PREP: variants seen among roughly 807,000 people sequenced by gnomAD.
PREP encodes the protein dJ355L5.1 (prolyl endopeptidase).
A neutral mutation model predicts 87.6 loss-of-function variants in PREP; 29 were observed. That is an observed-to-expected ratio of 0.33 (90% confidence interval 0.25 to 0.45). PREP has a LOEUF of 0.45. Among genes scored for constraint, PREP ranks in the 20% least tolerant of loss-of-function variants. The pLI, the probability that PREP is intolerant of heterozygous loss-of-function variation, is 1.00. For synonymous variants in PREP, 337 were observed against 328.6 expected, an observed-to-expected ratio of 1.03 and a Z score of -0.28; for missense variants, 695 against 886.5, an observed-to-expected ratio of 0.78 and a Z score of 2.74.
rs1770455181 is a variant in PREP, at chr6:105,298,316, T to C, written c.1318-9422A>G. On this transcript the variant is annotated intron_variant, in intron 10 of 14. Coordinates refer to ENST00000652536, the MANE Select transcript of PREP (RefSeq NM_002726.5). ...GTGACAAAGGGCTGTCCTCTAAACATGGCTGAAAGTGCCTTCATGAGCAAC... is the reference window on the plus strand; with the variant it reads ...GTGACAAAGGGCTGTCCTCTAAACACGGCTGAAAGTGCCTTCATGAGCAAC... 2.0e-5 allele frequency: 3 copies of C among 152,406 alleles called. No homozygotes were observed. The East Asian group carries it at 5.8e-4, about 29-fold the overall frequency. The allele number at this position is 152,406 out of a possible 1,614,324, so 9.4% of individuals were successfully genotyped here. A position where few individuals can be genotyped will look rare whatever the true frequency, so the allele number is the denominator to read the frequency against.
At chr6:105,311,571 T>G (rs1251129651) in intron 10 of PREP, among the ~76,000 whole-genome samples, 1 of 152,274 alleles carries the variant, frequency 6.6e-6, no homozygotes, top group East Asian at 1.9e-4. Flanking sequence ...GTTTATTTCA[T>G]GCACAGCTCT....
chr6:105,296,859 T>A (rs1047269422), intron 10 of PREP, among the ~76,000 whole-genome samples: 6 of 152,218 alleles, frequency 3.9e-5, no homozygotes, highest in Non-Finnish European at 8.8e-5. Context: ...TCTTTTCAAG[T>A]TCCCTCTTTG....
intron 10 of PREP, among the ~76,000 whole-genome samples, chr6:105,300,959 T>A (rs1770521091): frequency 1.3e-5 from 2 of 152,260 alleles, no homozygotes; most frequent in South Asian, 4.1e-4. Flanking sequence ...AAATTATTAT[T>A]CTCCTTGAGA....
At chr6:105,384,116 T>A (rs889073974) in intron 2 of PREP, among the ~76,000 whole-genome samples, 8 of 152,108 alleles carry the variant, frequency 5.3e-5, no homozygotes, top group Non-Finnish European at 1.2e-4. Context: ...GTCCCACTGA[T>A]AGTTGGGGAA....
Position 105,292,422 on chromosome 6 carries a change from T to C in PREP, c.1318-3528A>G, listed in dbSNP as rs181017776. ...CTTGGGTGACTAGATGTGCCGTCAA[T>C]GAGCAGTAATATTTTGAAAGGAATC... On this transcript the variant is annotated intron_variant, in intron 10 of 14. Transcript: ENST00000652536. Among the ~76,000 whole-genome samples the C allele has an allele frequency of 1.3e-3, 204 of 152,308 alleles. 1 individual carries two copies. The highest frequency in any genetic ancestry group is 4.8e-3 in the African/African-American group (198 of 41,574).
At chr6:105,310,213 A>T (rs1348609846) in intron 10 of PREP, among the ~76,000 whole-genome samples, 1 of 152,218 alleles carries the variant, frequency 6.6e-6, no homozygotes, top group Non-Finnish European at 1.5e-5. Context: ...TATTTTTCTT[A>T]AAAAATTTAA....
rs1036055881 is a variant in PREP, at chr6:105,318,472, C to T, written c.1317+5193G>A. On this transcript the variant is annotated intron_variant, in intron 10 of 14. Coordinates refer to ENST00000652536, the MANE Select transcript of PREP (RefSeq NM_002726.5). Reference sequence around the variant, plus strand: ...CATAACTTACTTCTCTATTATAAGACAGCAAGAAAACAGACTTATCTTCCA... The same window carrying T: ...CATAACTTACTTCTCTATTATAAGATAGCAAGAAAACAGACTTATCTTCCA... Among the ~76,000 whole-genome samples the T allele has an allele frequency of 3.9e-5, 6 of 152,102 alleles. No homozygotes were observed. In the East Asian group the frequency reaches 1.2e-3, roughly 29 times the overall value.
intron 12 of PREP, 130 bp downstream of exon 12, chr6:105,285,356 T>C (rs1583035165): frequency 1.3e-6 from 1 of 758,984 alleles, no homozygotes; most frequent in Non-Finnish European, 2.1e-6. Flanking sequence ...GATAATATCC[T>C]TGTTTTTCAT....
intron 2 of PREP, among the ~76,000 whole-genome samples, chr6:105,381,165 C>T (rs995320705): frequency 6.6e-6 from 1 of 152,230 alleles, no homozygotes; most frequent in Non-Finnish European, 1.5e-5. Context: ...AAAGACTGCA[C>T]TCTTCCAAGT....
chr6:105,362,917 T>A (rs1213048815), intron 6 of PREP, among the ~76,000 whole-genome samples: 1 of 152,218 alleles, frequency 6.6e-6, no homozygotes, highest in Non-Finnish European at 1.5e-5. Context: ...TCTGTGTCTG[T>A]TCTGGAAGGT....
intron 9 of PREP, among the ~76,000 whole-genome samples, chr6:105,324,237 T>C (rs1366516862): frequency 6.6e-6 from 1 of 152,172 alleles, no homozygotes; most frequent in African/African-American, 2.4e-5. Flanking sequence ...CAGGGGTCTC[T>C]TGACAAACAC....
chr6:105,377,143 C>G (rs928592344), intron 3 of PREP, among the ~76,000 whole-genome samples: 1 of 152,144 alleles, frequency 6.6e-6, no homozygotes, highest in Non-Finnish European at 1.5e-5. Flanking sequence ...GATAAGACGA[C>G]GATTTCCTAT....
At chr6:105,280,309 C>T (rs1032015830) in intron 14 of PREP, among the ~76,000 whole-genome samples, 6 of 152,066 alleles carry the variant, frequency 3.9e-5, no homozygotes, top group African/African-American at 1.4e-4. Context: ...CTCAAAAAAA[C>T]AAAACTTTAG....
chr6:105,318,632 G>A (rs1278583808), intron 10 of PREP, among the ~76,000 whole-genome samples: 2 of 152,132 alleles, frequency 1.3e-5, no homozygotes, highest in African/African-American at 4.8e-5. Flanking sequence ...GCCATGAAGC[G>A]TAATATCAGA....
chr6:105,376,014 C>T, intron 4 of PREP, 111 bp downstream of exon 4: 1 of 1,313,496 alleles, frequency 7.6e-7, no homozygotes, highest in Non-Finnish European at 1.0e-6. Context: ...ATCTGTTCCA[C>T]AATATGGTCC....
intron 10 of PREP, among the ~76,000 whole-genome samples, chr6:105,306,728 T>C (rs556436458): frequency 1.3e-5 from 2 of 152,178 alleles, no homozygotes; most frequent in South Asian, 4.1e-4. Flanking sequence ...GCTGTGCCCA[T>C]GGGCTCCTCC....
rs182424974 is a variant in PREP, at chr6:105,275,088, C to G, written c.*3056G>C. 6.6e-6 allele frequency among the ~76,000 whole-genome samples: 1 copy of G among 152,178 alleles called. No homozygotes were observed. Among genetic ancestry groups the G allele is most frequent in the Admixed American group, 6.5e-5 (1 of 15,274 alleles). ...TGTTCCTCCTTCAAGGGCCTCAGTC[C>G]TCATCCCACTGGCCTGACCACCCCA... is the stretch of plus-strand genomic sequence containing the variant. On this transcript the variant is annotated 3_prime_UTR_variant, in exon 15 of 15. Transcript: ENST00000652536.
Position 105,283,371 on chromosome 6 carries a change from T to C in PREP, c.1550-789A>G, listed in dbSNP as rs190933804. On this transcript the variant is annotated intron_variant, in intron 12 of 14. Transcript: ENST00000652536. Reference sequence around the variant, plus strand: ...AAGTAAAGGCCAAAAGTCAAAAGCATGTCCTCAAAGGAACAGATGTCTGAA... The same window carrying C: ...AAGTAAAGGCCAAAAGTCAAAAGCACGTCCTCAAAGGAACAGATGTCTGAA... 2.7e-3 allele frequency among the ~76,000 whole-genome samples: 406 copies of C among 152,342 alleles called. 1 individual carries two copies. The highest frequency in any genetic ancestry group is 9.3e-3 in the African/African-American group (388 of 41,584).
rs2114603583 is a variant in PREP at position 105,273,669 on chromosome 6, T to C, written c.*4475A>G. On this transcript the variant is annotated 3_prime_UTR_variant, in exon 15 of 15. Coordinates refer to ENST00000652536, the MANE Select transcript of PREP (RefSeq NM_002726.5). ...CCTGCTCTTTGAATAACCACCCCGC[T>C]TTTCCCTAGGCTCTCCTGCTGTCAG... 1 of 152,354 alleles carries C rather than the reference T, an allele frequency of 6.6e-6. No individual in the cohort carries two copies. The highest frequency in any genetic ancestry group is 1.5e-5 in the Non-Finnish European group (1 of 68,082). The allele number at this position is 152,354 out of a possible 1,614,324, so 9.4% of individuals were successfully genotyped here.
Sources: gnomAD v4.1 joint callset for allele counts (sites outside exome capture counted in the v4.1 genomes callset) on GRCh38, gnomAD v4.1.1 for gene constraint, MANE v1.5 for transcripts, NCBI Gene and HGNC (gene_info 2026-07-23, HGNC 2026-07-21) for gene names.